Variants in CWF19L2 observed in about 807,000 individuals in gnomAD.
CWF19L2 encodes CWF19-like protein 2.
In CWF19L2, 98 loss-of-function variants were observed where a neutral mutation model predicts 111.7. The ratio of observed to expected loss-of-function variants is 0.88; its 90% CI spans 0.75 to 1.04. CWF19L2 has a LOEUF of 1.04. Ranked by LOEUF, CWF19L2 falls within the 50% of genes least tolerant of loss-of-function variation. CWF19L2 has a pLI of 0.00. For synonymous variants in CWF19L2, 351 were observed against 342.9 expected, an observed-to-expected ratio of 1.02 and a Z score of -0.26; for missense variants, 1,101 against 1,051.4, an observed-to-expected ratio of 1.05 and a Z score of -0.65.
rs947159784 is a variant in CWF19L2 at position 107,351,158 on chromosome 11, A to G, written c.2086-2105T>C. ...GAAAGACCCATTAGGAAACTATTACAGAAGTCCAGTAATAAATGATGATGA... is the reference window on the plus strand; with the variant it reads ...GAAAGACCCATTAGGAAACTATTACGGAAGTCCAGTAATAAATGATGATGA... On this transcript the variant is annotated intron_variant, in intron 13 of 17. Coordinates refer to ENST00000282251, the MANE Select transcript of CWF19L2 (RefSeq NM_152434.3). Among the ~76,000 whole-genome samples, 4 of 152,244 alleles carry G rather than the reference A, an allele frequency of 2.6e-5. No individual in the cohort carries two copies. In the South Asian group the frequency reaches 8.3e-4, roughly 31 times the overall value.
chr11:107,383,885 T>C (rs986119415), intron 12 of CWF19L2, among the ~76,000 whole-genome samples: 8 of 152,236 alleles, frequency 5.3e-5, no homozygotes, highest in Admixed American at 2.0e-4. Context: ...CCAGTTTAAA[T>C]TGGGTCACCC....
At chr11:107,409,495 T>C (rs1255073121) in intron 10 of CWF19L2, among the ~76,000 whole-genome samples, 1 of 152,152 alleles carries the variant, frequency 6.6e-6, no homozygotes, top group Non-Finnish European at 1.5e-5. Context: ...TTGTTACAAA[T>C]GTTGAGCTTA....
intron 12 of CWF19L2, among the ~76,000 whole-genome samples, 170 bp downstream of exon 12, chr11:107,389,904 C>T (rs573365497): frequency 7.2e-5 from 11 of 152,298 alleles, no homozygotes; most frequent in Non-Finnish European, 1.3e-4. Context: ...CTGTATGTTT[C>T]TCAACCAGAT....
At chr11:107,357,357 G>A (rs991428667) in intron 12 of CWF19L2, among the ~76,000 whole-genome samples, 3 of 152,190 alleles carry the variant, frequency 2.0e-5, no homozygotes, top group Non-Finnish European at 4.4e-5. Flanking sequence ...CAGATATCTA[G>A]GTAGGTATTT....
intron 8 of CWF19L2, among the ~76,000 whole-genome samples, chr11:107,420,831 G>A (rs1355011658): frequency 6.6e-6 from 1 of 152,038 alleles, no homozygotes. Context: ...TTCAGAGCAT[G>A]GTTGATCATG....
chr11:107,432,856 G>A (rs1340347756), intron 7 of CWF19L2, among the ~76,000 whole-genome samples: 1 of 151,980 alleles, frequency 6.6e-6, no homozygotes, highest in East Asian at 1.9e-4. Context: ...AAATGCATTG[G>A]GCATAGACAG....
intron 10 of CWF19L2, among the ~76,000 whole-genome samples, chr11:107,398,469 A>G (rs1860954313): frequency 6.6e-6 from 1 of 152,140 alleles, no homozygotes; most frequent in Admixed American, 6.5e-5. Context: ...AATTAACCCA[A>G]TCCAACTAAG....
intron 12 of CWF19L2, among the ~76,000 whole-genome samples, chr11:107,381,772 A>G (rs1476948921): frequency 6.6e-6 from 1 of 152,226 alleles, no homozygotes; most frequent in East Asian, 1.9e-4. Flanking sequence ...ATATTATTAG[A>G]GAAACATGTA....
chr11:107,350,583 A>G (rs1334271701), intron 13 of CWF19L2, among the ~76,000 whole-genome samples: 1 of 152,188 alleles, frequency 6.6e-6, no homozygotes, highest in Non-Finnish European at 1.5e-5. Flanking sequence ...CCCAGCCTCC[A>G]GAACTAGCTT....
At chr11:107,448,412 C>T (rs1861731962) in intron 3 of CWF19L2, among the ~76,000 whole-genome samples, 1 of 147,894 alleles carries the variant, frequency 6.8e-6, no homozygotes, top group Non-Finnish European at 1.5e-5. Flanking sequence ...AAAATATACC[C>T]AACCCAAGGC....
intron 6 of CWF19L2, among the ~76,000 whole-genome samples, chr11:107,434,501 C>T (rs1861512560): frequency 6.6e-6 from 1 of 151,930 alleles, no homozygotes; most frequent in Non-Finnish European, 1.5e-5. Context: ...GCCCCAGCTC[C>T]ATAACCAACA....
chr11:107,378,845 CA>C lies in CWF19L2; in HGVS notation c.1872+11228del, dbSNP rs997321023. On this transcript the variant is annotated intron_variant, in intron 12 of 17. Transcript: ENST00000282251. ...TAAAGTCAATAAATATATATTGTAA[CA>C]AAAAAAAAGAAAGATAGCATCGATA... 6.1e-3 allele frequency among the ~76,000 whole-genome samples: 854 copies of C among 139,704 alleles called. 3 individuals carry two copies. The highest frequency in any genetic ancestry group is 0.02 in the African/African-American group (788 of 39,516). The allele number at this position is 139,704 out of a possible 152,430, so 91.7% of individuals were successfully genotyped here.
At chr11:107,380,395 A>T (rs963032262) in intron 12 of CWF19L2, among the ~76,000 whole-genome samples, 2 of 152,166 alleles carry the variant, frequency 1.3e-5, no homozygotes, top group Non-Finnish European at 2.9e-5. Context: ...TGGATAGTGA[A>T]GCTATTAAAC....
At position 107,326,933 on chromosome 11, in the gene CWF19L2, A is replaced by C; in HGVS notation, c.2662T>G (p.Phe888Val). 1.9e-6 allele frequency: 3 copies of C among 1,600,574 alleles called. No homozygotes were observed. In the South Asian group the frequency reaches 3.4e-5, roughly 18 times the overall value. The change falls in exon 18 of 18, where the codon TTC (phenylalanine) becomes GTC (valine). Residue 888 changes from phenylalanine (F) to valine (V), a missense_variant. Physicochemically the swap from Phe to Val is conservative, Grantham distance 50 (BLOSUM62 -1). Coordinates refer to ENST00000282251, the MANE Select transcript of CWF19L2 (RefSeq NM_152434.3). ...CCTCAATAGTTTTTACTTTTGGTGA[A>C]GTCATATGGTTTCCACCACTGAGCA... ...QFAQWWKPYD[F>V]TKSKNY
chr11:107,329,467 T>G (rs1859811013), intron 17 of CWF19L2, among the ~76,000 whole-genome samples: 1 of 152,172 alleles, frequency 6.6e-6, no homozygotes, highest in South Asian at 2.1e-4. Flanking sequence ...TTCTACCACT[T>G]ATTAGCGCAT....
At chr11:107,349,530 A>C (rs1860128564) in intron 13 of CWF19L2, among the ~76,000 whole-genome samples, 1 of 152,158 alleles carries the variant, frequency 6.6e-6, no homozygotes, top group South Asian at 2.1e-4. Flanking sequence ...TAAGACGAAG[A>C]GGAAATGACC....
At chr11:107,344,584 C>T (rs1169803863) in intron 14 of CWF19L2, among the ~76,000 whole-genome samples, 2 of 152,178 alleles carry the variant, frequency 1.3e-5, no homozygotes, top group Admixed American at 6.5e-5. Context: ...GAGAAATGCG[C>T]TGTCATTCAA....
rs915171199 is a variant in CWF19L2 at position 107,373,783 on chromosome 11, G to A, written c.1872+16291C>T. On this transcript the variant is annotated intron_variant, in intron 12 of 17. Coordinates refer to ENST00000282251, the MANE Select transcript of CWF19L2 (RefSeq NM_152434.3). ...AAGCTGGATGGAGAATGACTTTGAC[G>A]AGCTGAGAGAAGAAGGCTTCAGACG... Among the ~76,000 whole-genome samples, 76 of 133,648 alleles carry A rather than the reference G, an allele frequency of 5.7e-4. 12 individuals are homozygous for A. The East Asian group carries it at 0.01, about 18-fold the overall frequency. 87.7% of individuals were successfully genotyped at this position (133,648 alleles called of 152,430 possible).
intron 8 of CWF19L2, among the ~76,000 whole-genome samples, chr11:107,427,236 G>A (rs531607260): frequency 9.5e-6 from 1 of 104,956 alleles, no homozygotes; most frequent in African/African-American, 3.8e-5. Flanking sequence ...TTTTTTTTTG[G>A]ATGATTCCTA....
Sources: allele counts gnomAD v4.1 joint callset (sites outside exome capture counted in the v4.1 genomes callset), GRCh38; gene constraint gnomAD v4.1.1; transcripts MANE v1.5; gene names NCBI Gene and HGNC (gene_info 2026-07-23, HGNC 2026-07-21).